The following ADAMTS2 variants were observed in gnomAD, a reference collection of about 807,000 sequenced individuals.
ADAMTS2 encodes A disintegrin and metalloproteinase with thrombospondin motifs 2.
ADAMTS2 carries 50 observed loss-of-function variants against 123.0 expected under a neutral mutation model. The observed-to-expected ratio is 0.41, with a 90% CI of 0.32 to 0.51. The LOEUF is 0.51. Ranked by LOEUF, ADAMTS2 falls within the 20% of genes least tolerant of loss-of-function variation. ADAMTS2 has a pLI of 0.35. For synonymous variants in ADAMTS2, 678 were observed against 695.4 expected (o/e 0.98, Z 0.39); for missense variants, 1,494 against 1,705.2 (o/e 0.88, Z 2.18).
In ADAMTS2 at chr5:179,158,442, C is replaced by T. The variant is rs1330101914; in HGVS notation, c.1132+281G>A. Among the ~76,000 whole-genome samples, 1 of 152,198 alleles carries T rather than the reference C, an allele frequency of 6.6e-6. No individual in the cohort carries two copies. The highest frequency in any genetic ancestry group is 1.5e-5 in the Non-Finnish European group (1 of 68,032). On this transcript the variant is annotated intron_variant, in intron 6 of 21. Transcript: ENST00000251582. This position sits in a 1 kb window ranked among gnomAD's most constrained non-coding sequence, Gnocchi z 5.0. ...CCTTTCTTTCCAAATTGGCCCCACA[C>T]CATTTGTTAGGCTGTTTTCCTCCTC...
chr5:179,188,329 T>C lies in ADAMTS2; in HGVS notation c.892-7174A>G, dbSNP rs1369502077. Reference sequence around the variant, plus strand: ...CCCCTGAAATAAGTGAGGAGAAGGCTGTTCTCTCTGTGCCCCTTCGGAGGC... The same window carrying C: ...CCCCTGAAATAAGTGAGGAGAAGGCCGTTCTCTCTGTGCCCCTTCGGAGGC... On this transcript the variant is annotated intron_variant, in intron 4 of 21. Transcript: ENST00000251582. This position sits in a 1 kb window ranked among gnomAD's most constrained non-coding sequence, Gnocchi z 5.1. 6.6e-6 allele frequency among the ~76,000 whole-genome samples: 1 copy of C among 152,140 alleles called. No homozygotes were observed. The highest frequency in any genetic ancestry group is 1.5e-5 in the Non-Finnish European group (1 of 68,022).
In ADAMTS2 at chr5:179,262,277, T is replaced by A. The variant is rs35009598; in HGVS notation, c.688+10634A>T. 0.029 allele frequency among the ~76,000 whole-genome samples: 4,443 copies of A among 151,900 alleles called. 93 individuals carry two copies. Among genetic ancestry groups the A allele is most frequent in the Middle Eastern group, 0.082 (24 of 294 alleles). ...CAGCCAGCCTCCCAGCCACGTGACC[T>A]CTCAGGGGCAGGATGTGTCCTTGAT... On this transcript the variant is annotated intron_variant, in intron 3 of 21. Transcript: ENST00000251582. This position sits in a 1 kb window ranked among gnomAD's most constrained non-coding sequence, Gnocchi z 5.9.
Position 179,158,951 on chromosome 5 carries a change from G to A in ADAMTS2, c.976-72C>T. ...GGCCCAGTGGGGGGCCGAGCAGGCTGTAGTGTTGACAGACCCCATCCACTG... is the reference window on the plus strand; with the variant it reads ...GGCCCAGTGGGGGGCCGAGCAGGCTATAGTGTTGACAGACCCCATCCACTG... On this transcript the variant is annotated intron_variant, in intron 5 of 21. Transcript: ENST00000251582. This position sits in a 1 kb window ranked among gnomAD's most constrained non-coding sequence, Gnocchi z 5.0. 2 of 1,565,212 alleles carry A rather than the reference G, an allele frequency of 1.3e-6. No individual in the cohort carries two copies. Among genetic ancestry groups the A allele is most frequent in the South Asian group, 2.3e-5 (2 of 86,606 alleles).
chr5:179,309,082 C>T (rs947481654), intron 2 of ADAMTS2, among the ~76,000 whole-genome samples: 4 of 152,232 alleles, frequency 2.6e-5, no homozygotes, highest in African/African-American at 9.6e-5. Flanking sequence ...GCGCCATCCA[C>T]AGGAAGCTAC....
Position 179,242,766 on chromosome 5 carries a change from A to G in ADAMTS2, c.688+30145T>C, listed in dbSNP as rs1765698442. On this transcript the variant is annotated intron_variant, in intron 3 of 21. Coordinates refer to ENST00000251582, the MANE Select transcript of ADAMTS2 (RefSeq NM_014244.5). The surrounding 1 kb of genome is among the most constrained non-coding windows in gnomAD (Gnocchi z 4.2). ...AGGGCTCCCTCTTCCCTCAGATCCCAGTCAAGGAATACAGTATTTCACCAG... is the reference window on the plus strand; with the variant it reads ...AGGGCTCCCTCTTCCCTCAGATCCCGGTCAAGGAATACAGTATTTCACCAG... Among the ~76,000 whole-genome samples, 1 of 152,120 alleles carries G rather than the reference A, an allele frequency of 6.6e-6. No homozygotes were observed. The highest frequency in any genetic ancestry group is 2.1e-4 in the South Asian group (1 of 4,822).
chr5:179,327,861 G>T (rs1353359159), intron 2 of ADAMTS2, among the ~76,000 whole-genome samples: 1 of 152,148 alleles, frequency 6.6e-6, no homozygotes, highest in East Asian at 1.9e-4. Flanking sequence ...ATTATGAACT[G>T]CAGAAAGTAA....
intron 10 of ADAMTS2, among the ~76,000 whole-genome samples, chr5:179,146,261 T>G (rs150062496): frequency 0.011 from 1,669 of 152,356 alleles, 34 homozygotes; most frequent in African/African-American, 0.037. Context: ...TGGCCAGCAC[T>G]TGGCCCTGGC....
intron 4 of ADAMTS2, among the ~76,000 whole-genome samples, chr5:179,187,299 G>C (rs1764194512): frequency 6.6e-6 from 1 of 152,186 alleles, no homozygotes; most frequent in African/African-American, 2.4e-5. Context: ...TCCAGGCCAG[G>C]AGGGTCTGGC....
At chr5:179,204,553 A>G (rs1020479726) in intron 4 of ADAMTS2, among the ~76,000 whole-genome samples, 2 of 152,108 alleles carry the variant, frequency 1.3e-5, no homozygotes, top group African/African-American at 4.8e-5. Flanking sequence ...CTGGAAGGTC[A>G]CCCTTTCTCA....
intron 2 of ADAMTS2, among the ~76,000 whole-genome samples, chr5:179,297,457 G>A (rs1756371992): frequency 6.6e-6 from 1 of 151,918 alleles, no homozygotes; most frequent in Non-Finnish European, 1.5e-5. Context: ...AGTTGGTATG[G>A]GGACCCCCTT....
At chr5:179,328,265 C>T (rs1232893899) in intron 2 of ADAMTS2, among the ~76,000 whole-genome samples, 2 of 152,266 alleles carry the variant, frequency 1.3e-5, no homozygotes, top group African/African-American at 4.8e-5. Context: ...ATTTCCTGAC[C>T]TCGTGATCCA....
chr5:179,132,041 C>T lies in ADAMTS2; in HGVS notation c.2290+189G>A, dbSNP rs1271335002. ...CCTCTGATCCCAAACCCTGGCCTCT[C>T]CACAAGGGGAGGACCCTGGGAAAGG... On this transcript the variant is annotated intron_variant, in intron 15 of 21. Transcript: ENST00000251582. This position sits in a 1 kb window ranked among gnomAD's most constrained non-coding sequence, Gnocchi z 6.1. Among the ~76,000 whole-genome samples, 1 of 152,210 alleles carries T rather than the reference C, an allele frequency of 6.6e-6. No homozygotes were observed. The highest frequency in any genetic ancestry group is 1.5e-5 in the Non-Finnish European group (1 of 68,034).
At chr5:179,290,926 T>A (rs1042692676) in intron 2 of ADAMTS2, among the ~76,000 whole-genome samples, 1 of 152,220 alleles carries the variant, frequency 6.6e-6, no homozygotes, top group South Asian at 2.1e-4. Context: ...AGAGGGCCTA[T>A]GCCTGAGCCA....
intron 19 of ADAMTS2, chr5:179,122,978 T>C (rs1762790985): frequency 1.4e-6 from 1 of 694,252 alleles, no homozygotes; most frequent in South Asian, 1.8e-5. Context: ...GGGACCCACA[T>C]GCCTGTCTCT....
At chr5:179,133,030 AT>A in intron 13 of ADAMTS2, 130 bp from the exon 14 acceptor site, 1 of 1,276,338 alleles carries the variant, frequency 7.8e-7, no homozygotes, top group African/African-American at 1.5e-5. Flanking sequence ...AAGCATTGGG[AT>A]TACAGGCGTG....
chr5:179,161,297 G>T (rs1763587161), intron 5 of ADAMTS2, among the ~76,000 whole-genome samples: 1 of 152,160 alleles, frequency 6.6e-6, no homozygotes, highest in South Asian at 2.1e-4. Flanking sequence ...AGCTTGGGAT[G>T]GCACAAGAAG....
At chr5:179,152,297 A>G (rs766652648) in intron 9 of ADAMTS2, 42 bp from the exon 10 acceptor site, 1 of 1,596,532 alleles carries the variant, frequency 6.3e-7, no homozygotes, top group Non-Finnish European at 8.6e-7. Context: ...CTCCCACCTC[A>G]GGGACCTCCC....
intron 2 of ADAMTS2, among the ~76,000 whole-genome samples, chr5:179,316,175 C>T (rs1019438983): frequency 1.3e-5 from 2 of 152,168 alleles, no homozygotes; most frequent in African/African-American, 2.4e-5. Flanking sequence ...GCGTGGGCAC[C>T]GGGCAGCAGA....
rs1483239678 is a variant in ADAMTS2, at chr5:179,115,782, A to C, written c.3179-1458T>G. Among the ~76,000 whole-genome samples the C allele has an allele frequency of 2.0e-5, 3 of 150,832 alleles. No individual in the cohort carries two copies. The South Asian group carries it at 6.3e-4, about 32-fold the overall frequency. On this transcript the variant is annotated intron_variant, in intron 21 of 21. Coordinates refer to ENST00000251582, the MANE Select transcript of ADAMTS2 (RefSeq NM_014244.5). This position sits in a 1 kb window ranked among gnomAD's most constrained non-coding sequence, Gnocchi z 4.4. ...TATCCCATACACCAACATATGACACAATCTACACCTGAAGCTGTCCAAAAC... is the reference window on the plus strand; with the variant it reads ...TATCCCATACACCAACATATGACACCATCTACACCTGAAGCTGTCCAAAAC...
Sources: allele counts gnomAD v4.1 joint callset (sites outside exome capture counted in the v4.1 genomes callset), GRCh38; gene constraint gnomAD v4.1.1; non-coding constraint Gnocchi (gnomAD v3.1); transcripts MANE v1.5; gene names NCBI Gene and HGNC (gene_info 2026-07-23, HGNC 2026-07-21).